Variants in MED24 observed in about 807,000 individuals in gnomAD.
The protein encoded by MED24 is mediator complex subunit 24.
A neutral mutation model predicts 118.8 loss-of-function variants in MED24; 74 were observed. The ratio of observed to expected loss-of-function variants is 0.62; its 90% CI spans 0.52 to 0.76. The LOEUF is 0.76. MED24 is among the 30% of genes least tolerant of loss of function. The pLI is 0.00. For missense variants in MED24, 1,041 were observed against 1,278.9 expected (o/e 0.81, Z 2.84); for synonymous variants, 521 against 523.9 (o/e 0.99, Z 0.08).
chr17:40,021,948 C>T lies in MED24; in HGVS notation c.2623+7G>A, dbSNP rs1376329058. The T allele has an allele frequency of 1.9e-6, 3 of 1,583,364 alleles. No homozygotes were observed. Among genetic ancestry groups the T allele is most frequent in the Non-Finnish European group, 2.6e-6 (3 of 1,162,644 alleles). On this transcript the variant is annotated splice_region_variant and intron_variant, in intron 23 of 25. Coordinates refer to ENST00000394128, the MANE Select transcript of MED24 (RefSeq NM_014815.4). ...AGGAGCGGCGCGCGGCCAGCCCACA[C>T]ACTCACTGGGGCTCGAAAGGATGTT...
chr17:40,035,418 C>T, intron 5 of MED24, 69 bp from the exon 6 acceptor site: 1 of 1,450,990 alleles, frequency 6.9e-7, no homozygotes, highest in Non-Finnish European at 9.2e-7. Context: ...ATCAATGTTC[C>T]CCAGAGTCCC....
chr17:40,026,404 T>G lies in MED24; in HGVS notation c.1810-73A>C, dbSNP rs1982648015. On this transcript the variant is annotated intron_variant, in intron 18 of 25. Coordinates refer to ENST00000394128, the MANE Select transcript of MED24 (RefSeq NM_014815.4). ...GAGCCAACATCACCTTCTCAGCCTC[T>G]GCGGGCAGCTAAGTGCAGCGGGTGG... 2.6e-6 allele frequency: 4 copies of G among 1,557,638 alleles called. No individual in the cohort carries two copies. The African/African-American group carries it at 5.4e-5, about 21-fold the overall frequency.
At chr17:40,023,075 G>A in intron 20 of MED24, 56 bp downstream of exon 20, 1 of 1,569,474 alleles carries the variant, frequency 6.4e-7, no homozygotes. Context: ...CAGGCCAGGT[G>A]TGGGGAGCCA....
At position 40,030,666 on chromosome 17, in the gene MED24, A is replaced by ATTT. The variant is rs34021774; in HGVS notation, c.1154+490_1154+492dup. 2.6e-3 allele frequency among the ~76,000 whole-genome samples: 343 copies of ATTT among 129,910 alleles called. 2 individuals are homozygous for ATTT. Among genetic ancestry groups the ATTT allele is most frequent in the African/African-American group, 9.4e-3 (330 of 35,010 alleles). The allele number at this position is 129,910 out of a possible 152,430, so 85.2% of individuals were successfully genotyped here. Reference sequence around the variant, plus strand: ...ATTCAGGATTTTTATTTATTTATTTATTTTTTTTTTGAGACAAGGTCTCAC... The same window carrying ATTT: ...ATTCAGGATTTTTATTTATTTATTTATTTTTTTTTTTTTGAGACAAGGTCTCAC... On this transcript the variant is annotated intron_variant, in intron 12 of 25. Coordinates refer to ENST00000394128, the MANE Select transcript of MED24 (RefSeq NM_014815.4).
intron 3 of MED24, among the ~76,000 whole-genome samples, chr17:40,040,528 A>G (rs994942841): frequency 1.3e-5 from 2 of 151,866 alleles, no homozygotes; most frequent in African/African-American, 4.8e-5. Context: ...TCTATTTTTA[A>G]AAGAGTTTCC....
Position 40,032,095 on chromosome 17 carries a change from G to C in MED24, c.937-5C>G, listed in dbSNP as rs751129864. Reference sequence around the variant, plus strand: ...CTTCACCAAAACCTGTGGAATCTAGGGGGTGAGGCAGGGGGAAAAACAGGA... The same window carrying C: ...CTTCACCAAAACCTGTGGAATCTAGCGGGTGAGGCAGGGGGAAAAACAGGA... On this transcript the variant is annotated splice_region_variant and splice_polypyrimidine_tract_variant and intron_variant, in intron 9 of 25. Transcript: ENST00000394128. 4.3e-6 allele frequency: 7 copies of C among 1,613,636 alleles called. No individual in the cohort carries two copies. The highest frequency in any genetic ancestry group is 1.7e-4 in the Middle Eastern group (1 of 6,058).
chr17:40,038,982 G>A (rs1385356147), intron 3 of MED24, among the ~76,000 whole-genome samples: 2 of 152,112 alleles, frequency 1.3e-5, no homozygotes, highest in African/African-American at 2.4e-5. Flanking sequence ...ACGTTCCGGC[G>A]AGCGTTTTGT....
chr17:40,019,209 C>CAAACAT lies in MED24; in HGVS notation c.*319_*320insATGTTT. 3 of 354,540 alleles carry CAAACAT rather than the reference C, an allele frequency of 8.5e-6. No individual in the cohort carries two copies. The highest frequency in any genetic ancestry group is 1.6e-5 in the Non-Finnish European group (3 of 192,348). The allele number at this position is 354,540 out of a possible 1,614,324, so 22.0% of individuals were successfully genotyped here. A position where few individuals can be genotyped will look rare whatever the true frequency, so the allele number is the denominator to read the frequency against. ...ACACACACACACACACACACATACA[C>CAAACAT]ACTTTGCATCTAGAAAGTTCCTCAG... On this transcript the variant is annotated 3_prime_UTR_variant, in exon 26 of 26. Coordinates refer to ENST00000394128, the MANE Select transcript of MED24 (RefSeq NM_014815.4).
At chr17:40,025,516 T>A (rs563787051) in intron 19 of MED24, among the ~76,000 whole-genome samples, 2 of 152,252 alleles carry the variant, frequency 1.3e-5, no homozygotes, top group African/African-American at 4.8e-5. Flanking sequence ...AAAATGGTAG[T>A]TACCAGGAGC....
chr17:40,049,233 G>A (rs1306828256), intron 3 of MED24, among the ~76,000 whole-genome samples: 1 of 152,096 alleles, frequency 6.6e-6, no homozygotes, highest in Admixed American at 6.6e-5. Context: ...GGTCCTGAGA[G>A]CAAACTCCTT....
At chr17:40,032,935 A>G in intron 8 of MED24, 121 bp downstream of exon 8, 2 of 1,447,964 alleles carry the variant, frequency 1.4e-6, no homozygotes, top group South Asian at 1.3e-5. Flanking sequence ...ACTGGCACCC[A>G]CTTTCCATCA....
chr17:40,046,439 C>A (rs1468668086), intron 3 of MED24, among the ~76,000 whole-genome samples: 1 of 149,870 alleles, frequency 6.7e-6, no homozygotes, highest in Non-Finnish European at 1.5e-5. Flanking sequence ...AAATACTATT[C>A]AGCAGTTAAA....
At chr17:40,031,292 G>A in intron 11 of MED24, 47 bp from the exon 12 acceptor site, 1 of 1,512,996 alleles carries the variant, frequency 6.6e-7, no homozygotes, top group South Asian at 1.2e-5. Flanking sequence ...TGGATAGGAT[G>A]GTGAGGGGTG....
intron 3 of MED24, among the ~76,000 whole-genome samples, chr17:40,043,953 AC>A (rs1445678779): frequency 6.7e-6 from 1 of 150,006 alleles, no homozygotes; most frequent in East Asian, 1.9e-4. Context: ...ACATGGAGAA[AC>A]CCTGTCTCTA....
chr17:40,024,869 G>A lies in MED24; in HGVS notation c.1985+1287C>T, dbSNP rs1036595274. Reference sequence around the variant, plus strand: ...TCCTGTCTCAGCCTCCCAAGTAGCTGGGATTGCAGGCGCCTGCCACCACTC... The same window carrying A: ...TCCTGTCTCAGCCTCCCAAGTAGCTAGGATTGCAGGCGCCTGCCACCACTC... On this transcript the variant is annotated intron_variant, in intron 19 of 25. Coordinates refer to ENST00000394128, the MANE Select transcript of MED24 (RefSeq NM_014815.4). Among the ~76,000 whole-genome samples the A allele has an allele frequency of 1.8e-4, 28 of 152,192 alleles. 1 individual carries two copies. The highest frequency in any genetic ancestry group is 7.2e-4 in the Admixed American group (11 of 15,290).
intron 1 of MED24, 130 bp from the exon 2 acceptor site, chr17:40,053,765 A>G: frequency 8.3e-7 from 1 of 1,204,706 alleles, no homozygotes; most frequent in Non-Finnish European, 1.2e-6. Context: ...TGAAAGAAAA[A>G]GAGCTAAAGG....
chr17:40,034,895 A>G, intron 6 of MED24: 1 of 842,502 alleles, frequency 1.2e-6, no homozygotes, highest in Non-Finnish European at 1.7e-6. Flanking sequence ...TGCTGGGTAT[A>G]CAACAATGCT....
intron 3 of MED24, among the ~76,000 whole-genome samples, chr17:40,038,434 C>T (rs1467160888): frequency 3.9e-5 from 6 of 152,160 alleles, no homozygotes; most frequent in Middle Eastern, 3.4e-3. Flanking sequence ...AGCTGTCGGC[C>T]GGGTGCAGTC....
At chr17:40,023,675 TTTA>T (rs1982310586) in intron 19 of MED24, 2 of 387,078 alleles carry the variant, frequency 5.2e-6, no homozygotes, top group Non-Finnish European at 9.2e-6. Context: ...CACATTTTCT[TTTA>T]TTCTCCAACT....
Sources: gnomAD v4.1 joint callset for allele counts (sites outside exome capture counted in the v4.1 genomes callset) on GRCh38, gnomAD v4.1.1 for gene constraint, MANE v1.5 for transcripts, NCBI Gene and HGNC (gene_info 2026-07-23, HGNC 2026-07-21) for gene names.